The following ZACN variants were observed in gnomAD, a reference collection of about 807,000 sequenced individuals.
ZACN encodes the protein zinc activated ion channel, also known as ligand-gated cation channel ZACN.
ZACN carries 52 observed loss-of-function variants against 38.9 expected under a neutral mutation model. The observed-to-expected ratio is 1.34, with a 90% CI of 1.07 to 1.68. ZACN has a LOEUF of 1.68. Ranked by LOEUF, ZACN falls within the 40% of genes most tolerant of loss-of-function variation. ZACN has a pLI of 0.00. For missense variants in ZACN, 559 were observed against 525.6 expected, an observed-to-expected ratio of 1.06 and a Z score of -0.62; for synonymous variants, 235 against 227.4, an observed-to-expected ratio of 1.03 and a Z score of -0.30.
chr17:76,081,626 G>T lies in ZACN; in HGVS notation c.751G>T (p.Gly251Trp), dbSNP rs146722649. Reference protein sequence around the residue: ...AEALLLADVCGGLLPLRAIER... With the variant: ...AEALLLADVCWGLLPLRAIER... ...GGCACTGCTGTTGGCTGACGTGTGC[G>T]GGGGGTTGCTGCCCCTCCGGGCCAT... The change falls in exon 7 of 9, where the codon GGG (glycine) becomes TGG (tryptophan). Residue 251 changes from glycine (G) to tryptophan (W), a missense_variant. Transcript: ENST00000334586. The T allele has an allele frequency of 6.2e-7, 1 of 1,614,058 alleles. No homozygotes were observed.
At chr17:76,081,143 G>C in intron 5 of ZACN, 135 bp from the exon 6 acceptor site, 3 of 1,267,354 alleles carry the variant, frequency 2.4e-6, no homozygotes, top group Non-Finnish European at 3.3e-6. Flanking sequence ...TCTATGGATC[G>C]GTTTTGTGTC....
rs199656435 is a variant in ZACN at position 76,079,278 on chromosome 17, G to A, written c.14G>A (p.Trp5Ter). Residue 5 changes from tryptophan to a stop codon, truncating the protein, a stop_gained, in exon 1 of 9, where the codon TGG becomes TAG. Transcript: ENST00000334586. LOFTEE classifies it high-confidence loss of function. MMAL[W>*]SLLHLTFLGF... The stretch of plus-strand genomic sequence containing the variant: ...TCCGTGCAGCCGATGATGGCCCTAT[G>A]GTCCCTGCTCCATCTCACCTTCCTG... 1.8e-4 allele frequency: 292 copies of A among 1,613,416 alleles called. No homozygotes were observed. Among genetic ancestry groups the A allele is most frequent in the Non-Finnish European group, 2.3e-4 (277 of 1,179,470 alleles).
chr17:76,080,289 G>T lies in ZACN; in HGVS notation c.409G>T (p.Ala137Ser), dbSNP rs144907476. The change falls in exon 5 of 9, where the codon GCT becomes TCT. Residue 137 changes from alanine (A) to serine (S), a missense_variant. Ala to Ser is a moderately conservative substitution (Grantham distance 99). Coordinates refer to ENST00000334586, the MANE Select transcript of ZACN (RefSeq NM_180990.4). ...GGACTGGAGGGACCAGAGCCCCCAG[G>T]CTCGAGTAGACCAGGACGGCCACGT... ...WVDWRDQSPQ[A>S]RVDQDGHVKL... 1.2e-6 allele frequency: 2 copies of T among 1,613,942 alleles called. No homozygotes were observed. Among genetic ancestry groups the T allele is most frequent in the Non-Finnish European group, 1.7e-6 (2 of 1,180,004 alleles).
At chr17:76,080,172 G>C in intron 4 of ZACN, 83 bp from the exon 5 acceptor site, 1 of 1,507,048 alleles carries the variant, frequency 6.6e-7, no homozygotes, top group Non-Finnish European at 8.9e-7. Context: ...AAGCAGCTGG[G>C]GTTGGGGTTG....
chr17:76,081,606 T>C lies in ZACN; in HGVS notation c.731T>C (p.Leu244Pro), dbSNP rs1242604122. ...IIALLVPAEA[L>P]LLADVCGGLL... ...GCTCTCTTGGTGCCTGCAGAGGCACTGCTGTTGGCTGACGTGTGCGGGGGG... is the reference window on the plus strand; with the variant it reads ...GCTCTCTTGGTGCCTGCAGAGGCACCGCTGTTGGCTGACGTGTGCGGGGGG... Residue 244 changes from leucine (L) to proline (P), a missense_variant, in exon 7 of 9, where the codon CTG becomes CCG. Coordinates refer to ENST00000334586, the MANE Select transcript of ZACN (RefSeq NM_180990.4). 1.2e-6 allele frequency: 2 copies of C among 1,613,952 alleles called. No homozygotes were observed. Among genetic ancestry groups the C allele is most frequent in the Admixed American group, 1.7e-5 (1 of 60,004 alleles).
At position 76,079,428 on chromosome 17, in the gene ZACN, TTC is replaced by T. The variant is rs757246784; in HGVS notation, c.98-4_98-3del. 2.2e-5 allele frequency: 35 copies of T among 1,614,054 alleles called. No individual in the cohort carries two copies. Among genetic ancestry groups the T allele is most frequent in the African/African-American group, 5.3e-5 (4 of 74,926 alleles). On this transcript the variant is annotated splice_polypyrimidine_tract_variant and intron_variant, in intron 1 of 8. Transcript: ENST00000334586. ...TAGGGCACCTGAGTGACCTTGACTT[TTC>T]TCTCTCAGTCTGGCCATCCCTCTTC...
At chr17:76,081,190 A>C (rs1224111662) in intron 5 of ZACN, 88 bp from the exon 6 acceptor site, 3 of 1,559,560 alleles carry the variant, frequency 1.9e-6, no homozygotes, top group African/African-American at 2.7e-5. Context: ...AAAAGTCTCC[A>C]TCACCCCTGG....
intron 8 of ZACN, 171 bp from the exon 9 acceptor site, chr17:76,082,292 G>A: frequency 1.3e-6 from 1 of 794,040 alleles, no homozygotes; most frequent in Non-Finnish European, 1.9e-6. Context: ...CACAGCCTAA[G>A]AGGGTGTTTC....
In ZACN at chr17:76,080,423, G is replaced by A. The variant is rs8066946; in HGVS notation, c.543G>A (p.Thr181=). 23,961 of 1,613,510 alleles carry A rather than the reference G, an allele frequency of 0.015. 2,935 individuals are homozygous for A. In the African/African-American group the frequency reaches 0.27, roughly 18 times the overall value. ...TCAGCTTCTACGCTCTCAGCAACAC[G>A]GGTGCTGACAGGGCAGGGGCTGCAG... is the stretch of plus-strand genomic sequence containing the variant. ...CSLSFYALSN[T]AMELEFQAHV... Residue 181 remains threonine, a splice_region_variant and synonymous_variant, in exon 5 of 9, where the codon ACG becomes ACA. Coordinates refer to ENST00000334586, the MANE Select transcript of ZACN (RefSeq NM_180990.4).
intron 5 of ZACN, 151 bp downstream of exon 5, chr17:76,080,575 C>T (rs918376843): frequency 5.4e-6 from 6 of 1,114,588 alleles, no homozygotes; most frequent in Non-Finnish European, 7.9e-6. Context: ...GTGTTCAGAG[C>T]AGTCTACCCC....
At chr17:76,082,243 GT>G in intron 8 of ZACN, 194 bp downstream of exon 8, 1 of 799,542 alleles carries the variant, frequency 1.3e-6, no homozygotes, top group South Asian at 1.9e-5. Flanking sequence ...CCTCCCTGAA[GT>G]CCCAGGTGAC....
chr17:76,081,667 C>G lies in ZACN; in HGVS notation c.792C>G (p.Tyr264Ter). The change falls in exon 7 of 9, where the codon TAC becomes TAG. Residue 264 changes from tyrosine to a stop codon, truncating the protein, a stop_gained. Transcript: ENST00000334586. LOFTEE classifies it high-confidence loss of function. Reference protein sequence around the residue: ...LPLRAIERIGYKVTLLLSYLV... With the variant: ...LPLRAIERIG ...TCCGGGCCATTGAGCGCATAGGCTA[C>G]AAGGTGACATTGCTGCTGAGTTACC... is the stretch of plus-strand genomic sequence containing the variant. 6.2e-7 allele frequency: 1 copy of G among 1,614,148 alleles called. No homozygotes were observed. The highest frequency in any genetic ancestry group is 1.1e-5 in the South Asian group (1 of 91,084).
chr17:76,079,182 A>C lies in ZACN; in HGVS notation c.-83A>C. On this transcript the variant is annotated 5_prime_UTR_variant, in exon 1 of 9. Transcript: ENST00000334586. ...TTGCCCAGAGCAGCTGCCTCTGGCTAATTGCTCAGCTGCCAGAGAAGTGAC... is the reference window on the plus strand; with the variant it reads ...TTGCCCAGAGCAGCTGCCTCTGGCTCATTGCTCAGCTGCCAGAGAAGTGAC... 1 of 1,372,732 alleles carries C rather than the reference A, an allele frequency of 7.3e-7. No homozygotes were observed. The highest frequency in any genetic ancestry group is 9.9e-7 in the Non-Finnish European group (1 of 1,013,024). 85.0% of individuals were successfully genotyped at this position (1,372,732 alleles called of 1,614,324 possible).
chr17:76,080,407 A>C lies in ZACN; in HGVS notation c.527A>C (p.Tyr176Ser). The change falls in exon 5 of 9, where the codon TAC becomes TCC. Residue 176 changes from tyrosine to serine, a missense_variant. Coordinates refer to ENST00000334586, the MANE Select transcript of ZACN (RefSeq NM_180990.4). ...RDHSNCSLSF[Y>S]ALSNTAMELE... Reference sequence around the variant, plus strand: ...CACAGCAACTGCAGCCTCAGCTTCTACGCTCTCAGCAACACGGGTGCTGAC... The same window carrying C: ...CACAGCAACTGCAGCCTCAGCTTCTCCGCTCTCAGCAACACGGGTGCTGAC... The C allele has an allele frequency of 6.2e-7, 1 of 1,613,912 alleles. No homozygotes were observed. Among genetic ancestry groups the C allele is most frequent in the Non-Finnish European group, 8.5e-7 (1 of 1,179,984 alleles).
At position 76,080,406 on chromosome 17, in the gene ZACN, T is replaced by C. The variant is rs1487576322; in HGVS notation, c.526T>C (p.Tyr176His). 4 of 1,613,964 alleles carry C rather than the reference T, an allele frequency of 2.5e-6. No homozygotes were observed. The highest frequency in any genetic ancestry group is 1.3e-5 in the African/African-American group (1 of 75,052). The change falls in exon 5 of 9, where the codon TAC becomes CAC. Residue 176 changes from tyrosine (Y) to histidine (H), a missense_variant. Transcript: ENST00000334586. ...CCACAGCAACTGCAGCCTCAGCTTCTACGCTCTCAGCAACACGGGTGCTGA... is the reference window on the plus strand; with the variant it reads ...CCACAGCAACTGCAGCCTCAGCTTCCACGCTCTCAGCAACACGGGTGCTGA... ...RDHSNCSLSF[Y>H]ALSNTAMELE... is the part of the protein sequence containing the mutation.
Position 76,079,251 on chromosome 17 carries a change from C to G in ZACN, c.-14C>G. 6.2e-7 allele frequency: 1 copy of G among 1,606,396 alleles called. No individual in the cohort carries two copies. The highest frequency in any genetic ancestry group is 8.5e-7 in the Non-Finnish European group (1 of 1,174,856). On this transcript the variant is annotated 5_prime_UTR_variant, in exon 1 of 9. Transcript: ENST00000334586. ...TTAGGCACCGCTGCTCCCTCCAGTC[C>G]CTCCGTGCAGCCGATGATGGCCCTA... is the stretch of plus-strand genomic sequence containing the variant.
At chr17:76,080,671 C>A in intron 5 of ZACN, 1 of 654,636 alleles carries the variant, frequency 1.5e-6, no homozygotes, top group Non-Finnish European at 2.8e-6. Flanking sequence ...AGCCTCAGGG[C>A]CCCTCTCTAG....
chr17:76,079,799 T>C, intron 3 of ZACN, 53 bp downstream of exon 3: 3 of 1,607,206 alleles, frequency 1.9e-6, no homozygotes, highest in Non-Finnish European at 2.6e-6. Context: ...TGAGTCCAGC[T>C]CAGAACTACC....
intron 5 of ZACN, 103 bp downstream of exon 5, chr17:76,080,527 A>T: frequency 6.8e-7 from 1 of 1,478,672 alleles, no homozygotes; most frequent in Non-Finnish European, 9.2e-7. Context: ...GGGCAAGGGG[A>T]AGGGGCAAAG....
Sources: allele counts gnomAD v4.1 joint callset, GRCh38; gene constraint gnomAD v4.1.1; transcripts MANE v1.5; gene names NCBI Gene and HGNC (gene_info 2026-07-23, HGNC 2026-07-21).